The following PRKD1 variants were observed in gnomAD, a reference collection of about 807,000 sequenced individuals.
The protein encoded by PRKD1 is protein kinase D1.
PRKD1 carries 63 observed loss-of-function variants against 95.9 expected under a neutral mutation model. The ratio of observed to expected loss-of-function variants is 0.66; its 90% CI spans 0.54 to 0.81. The LOEUF is 0.81. Among genes scored for constraint, PRKD1 ranks in the 30% least tolerant of loss-of-function variants. The pLI, the probability that PRKD1 is intolerant of heterozygous loss-of-function variation, is 0.00. For missense variants in PRKD1, 1,048 were observed against 1,165.3 expected (o/e 0.90, Z 1.47); for synonymous variants, 425 against 423.1 (o/e 1.00, Z -0.05).
chr14:29,732,359 A>T (rs1886482221), intron 1 of PRKD1, among the ~76,000 whole-genome samples: 1 of 147,940 alleles, frequency 6.8e-6, no homozygotes, highest in Non-Finnish European at 1.5e-5. Flanking sequence ...TTATTTGTAT[A>T]ATTATCCTAT....
intron 1 of PRKD1, among the ~76,000 whole-genome samples, chr14:29,867,207 A>G (rs957326778): frequency 1.3e-5 from 2 of 152,196 alleles, no homozygotes; most frequent in Non-Finnish European, 2.9e-5. Flanking sequence ...GAAAATAACA[A>G]AGCAAATAAA....
intron 2 of PRKD1, among the ~76,000 whole-genome samples, chr14:29,697,028 A>T (rs1884557164): frequency 6.6e-6 from 1 of 152,018 alleles, no homozygotes; most frequent in South Asian, 2.1e-4. Context: ...CCAGTTTTTT[A>T]TGTGAAATCT....
chr14:29,646,533 T>TTAGATAGATAGA (rs3837586), intron 4 of PRKD1, among the ~76,000 whole-genome samples: 3,021 of 150,126 alleles, frequency 0.02, 80 homozygotes, highest in African/African-American at 0.064. Context: ...CTCACAAAAA[T>TTAGATAGATAGA]TAGATAGATA....
intron 1 of PRKD1, among the ~76,000 whole-genome samples, chr14:29,789,767 AG>A (rs1332100384): frequency 6.6e-5 from 10 of 152,134 alleles, no homozygotes; most frequent in African/African-American, 2.2e-4. Flanking sequence ...GCCCCCGGAC[AG>A]GAAGTGCAGC....
chr14:29,580,952 C>CA (rs780824798), intron 16 of PRKD1, among the ~76,000 whole-genome samples: 20 of 151,930 alleles, frequency 1.3e-4, no homozygotes, highest in Non-Finnish European at 1.6e-4. Flanking sequence ...TGCAAAGGCA[C>CA]ATGCATGCCC....
chr14:29,609,713 TA>T (rs1177220616), intron 13 of PRKD1, among the ~76,000 whole-genome samples: 20 of 17,602 alleles, frequency 1.1e-3, no homozygotes, highest in African/African-American at 1.4e-3. Flanking sequence ...GCTATTTCTT[TA>T]TTTTTTTTTT....
chr14:29,696,317 G>C (rs1884516203), intron 2 of PRKD1, among the ~76,000 whole-genome samples: 1 of 152,094 alleles, frequency 6.6e-6, no homozygotes, highest in Non-Finnish European at 1.5e-5. Context: ...TAGTTGAAGA[G>C]ATAAAATGCT....
chr14:29,613,820 A>G (rs1594362618), intron 13 of PRKD1, among the ~76,000 whole-genome samples: 1 of 152,358 alleles, frequency 6.6e-6, no homozygotes, highest in East Asian at 1.9e-4. Flanking sequence ...CCACTAAAGC[A>G]GTCTCCAATC....
Position 29,873,671 on chromosome 14 carries a change from AT to A in PRKD1, c.264+53577del, listed in dbSNP as rs201755011. 3.8e-3 allele frequency among the ~76,000 whole-genome samples: 572 copies of A among 152,266 alleles called. 4 individuals are homozygous for A. The highest frequency in any genetic ancestry group is 0.031 in the South Asian group (149 of 4,830). On this transcript the variant is annotated intron_variant, in intron 1 of 17. Coordinates refer to ENST00000331968, the MANE Select transcript of PRKD1 (RefSeq NM_002742.3). ...TAAATATGTAAGATGCATTTTAGTT[AT>A]TTTTTTCATCAGTAGTTTACACAAG...
intron 13 of PRKD1, among the ~76,000 whole-genome samples, chr14:29,617,696 T>C (rs1319575522): frequency 6.6e-6 from 1 of 152,154 alleles, no homozygotes; most frequent in African/African-American, 2.4e-5. Flanking sequence ...AAAATTAGTT[T>C]TGGCTGAACA....
intron 1 of PRKD1, among the ~76,000 whole-genome samples, chr14:29,924,516 T>C (rs1420786304): frequency 1.3e-5 from 2 of 152,198 alleles, no homozygotes; most frequent in Non-Finnish European, 2.9e-5. Context: ...CCAATGCTCG[T>C]ATGATCTATG....
chr14:29,697,311 T>C (rs1422260841), intron 2 of PRKD1, among the ~76,000 whole-genome samples: 2 of 152,176 alleles, frequency 1.3e-5, no homozygotes, highest in African/African-American at 4.8e-5. Context: ...CTATTCTTCT[T>C]ATACCATGTT....
At chr14:29,796,540 G>A (rs1246724195) in intron 1 of PRKD1, among the ~76,000 whole-genome samples, 1 of 152,128 alleles carries the variant, frequency 6.6e-6, no homozygotes, top group Non-Finnish European at 1.5e-5. Context: ...GAGACTGAAT[G>A]AGATCCCCAA....
intron 13 of PRKD1, among the ~76,000 whole-genome samples, chr14:29,622,698 C>T (rs934415019): frequency 6.6e-5 from 10 of 152,242 alleles, no homozygotes; most frequent in African/African-American, 1.7e-4. Context: ...CCATCTCGGC[C>T]GGCCTTATTT....
At chr14:29,769,379 G>A (rs1888403310) in intron 1 of PRKD1, among the ~76,000 whole-genome samples, 1 of 151,980 alleles carries the variant, frequency 6.6e-6, no homozygotes, top group Non-Finnish European at 1.5e-5. Flanking sequence ...GACCAGCCTG[G>A]GCAACATACT....
chr14:29,813,743 TAAGTG>T (rs2139250114), intron 1 of PRKD1, among the ~76,000 whole-genome samples: 1 of 152,344 alleles, frequency 6.6e-6, no homozygotes, highest in East Asian at 1.9e-4. Flanking sequence ...TCTGACCTGT[TAAGTG>T]AACACTGACT....
At chr14:29,709,931 C>T (rs1040757855) in intron 2 of PRKD1, among the ~76,000 whole-genome samples, 2 of 152,154 alleles carry the variant, frequency 1.3e-5, no homozygotes, top group African/African-American at 4.8e-5. Flanking sequence ...ATGGCCCAGT[C>T]AAGTTGACAC....
intron 13 of PRKD1, 37 bp from the exon 14 acceptor site, chr14:29,599,854 T>C (rs1253675722): frequency 5.1e-6 from 8 of 1,574,994 alleles, no homozygotes; most frequent in South Asian, 1.2e-5. Context: ...AGAAAATGAG[T>C]TTTTTGATAC....
intron 1 of PRKD1, among the ~76,000 whole-genome samples, chr14:29,922,076 C>A (rs951665609): frequency 6.6e-6 from 1 of 151,730 alleles, no homozygotes; most frequent in Non-Finnish European, 1.5e-5. Flanking sequence ...CCAAGGCGGG[C>A]GGATTACGAG....
Sources: gnomAD v4.1 joint callset for allele counts (sites outside exome capture counted in the v4.1 genomes callset) on GRCh38, gnomAD v4.1.1 for gene constraint, MANE v1.5 for transcripts, NCBI Gene and HGNC (gene_info 2026-07-23, HGNC 2026-07-21) for gene names.